DIS3L2: variants seen among roughly 807,000 people sequenced by gnomAD.
The protein encoded by DIS3L2 is DIS3 like 3'-5' exoribonuclease 2, also known as DIS3-like exonuclease 2.
Under a neutral mutation model 97.5 loss-of-function variants are expected in DIS3L2, and 34 were observed. The observed-to-expected ratio is 0.35, with a 90% CI of 0.27 to 0.46. The LOEUF is 0.46. Among genes scored for constraint, DIS3L2 ranks in the 20% least tolerant of loss-of-function variants. The pLI is 1.00. For missense variants in DIS3L2, 1,038 were observed against 1,146.0 expected (o/e 0.91, Z 1.36); for synonymous variants, 435 against 445.2 (o/e 0.98, Z 0.29).
chr2:232,077,951 CTTTCTCTTTCTT>C (rs1696247577), intron 5 of DIS3L2, among the ~76,000 whole-genome samples: 1 of 143,264 alleles, frequency 7.0e-6, no homozygotes, highest in Non-Finnish European at 1.5e-5. Context: ...CTTTTTCTTT[CTTTCTCTTTCTT>C]TCTTTCTTTC....
intron 8 of DIS3L2, among the ~76,000 whole-genome samples, chr2:232,147,820 AG>A (rs1003953026): frequency 3.3e-5 from 5 of 152,332 alleles, no homozygotes; most frequent in African/African-American, 1.2e-4. Context: ...ACAATGTAAA[AG>A]TCAGTTCCCT....
intron 9 of DIS3L2, among the ~76,000 whole-genome samples, chr2:232,181,111 C>A (rs1370327151): frequency 1.5e-5 from 2 of 130,256 alleles, no homozygotes; most frequent in African/African-American, 6.0e-5. Flanking sequence ...GTTGAAAATT[C>A]TTTTCTTTAA....
intron 4 of DIS3L2, among the ~76,000 whole-genome samples, chr2:232,028,645 C>T (rs1169874311): frequency 6.6e-6 from 1 of 152,110 alleles, no homozygotes; most frequent in Non-Finnish European, 1.5e-5. Flanking sequence ...CTCCAAACAG[C>T]CCATTTTTCA....
intron 1 of DIS3L2, among the ~76,000 whole-genome samples, chr2:231,985,184 AAAG>A (rs1480329288): frequency 6.6e-6 from 1 of 152,340 alleles, no homozygotes; most frequent in African/African-American, 2.4e-5. Context: ...CAGTCAAGAT[AAAG>A]AAGAGTTCCA....
At chr2:232,332,134 C>A (rs1020252893) in intron 16 of DIS3L2, among the ~76,000 whole-genome samples, 1 of 150,646 alleles carries the variant, frequency 6.6e-6, no homozygotes, top group Non-Finnish European at 1.5e-5. Flanking sequence ...CCCTGAGCCA[C>A]CTCCACCAGC....
downstream of DIS3L2, among the ~76,000 whole-genome samples, chr2:232,340,210 T>C (rs929561948): frequency 3.9e-5 from 6 of 152,158 alleles, no homozygotes; most frequent in Non-Finnish European, 8.8e-5. Context: ...ACAGCACTTT[T>C]GGATCCTGGA....
intron 7 of DIS3L2, among the ~76,000 whole-genome samples, 166 bp from the exon 8 acceptor site, chr2:232,136,306 T>C (rs1264295810): frequency 1.3e-5 from 2 of 152,192 alleles, no homozygotes; most frequent in Non-Finnish European, 2.9e-5. Context: ...TTCTTACAAC[T>C]TAAATATAGA....
intron 5 of DIS3L2, among the ~76,000 whole-genome samples, chr2:232,051,811 CAAAAAAAAAAA>C (rs58851349): frequency 8.8e-3 from 327 of 37,098 alleles, no homozygotes; most frequent in African/African-American, 0.03. Flanking sequence ...GACTCCGTCT[CAAAAAAAAAAA>C]AAAAAAAAAA....
chr2:232,329,795 C>CGGGG lies in DIS3L2; in HGVS notation c.1740-18_1740-17insGGGG. 2 of 318,096 alleles carry CGGGG rather than the reference C, an allele frequency of 6.3e-6. No individual in the cohort carries two copies. Among genetic ancestry groups the CGGGG allele is most frequent in the Non-Finnish European group, 1.2e-5 (2 of 173,888 alleles). The allele number at this position is 318,096 out of a possible 1,614,324, so 19.7% of individuals were successfully genotyped here. On this transcript the variant is annotated splice_polypyrimidine_tract_variant and intron_variant, in intron 14 of 20. Transcript: ENST00000325385. ...CCCAAACCCCAGCGGTCCCTCCCAT[C>CGGGG]CCACCCACCCTCTGCAGGCTCGTGG...
chr2:232,337,057 T>C lies in DIS3L2; in HGVS notation c.*427T>C. The C allele has an allele frequency of 1.1e-5, 12 of 1,050,862 alleles. No individual in the cohort carries two copies. The highest frequency in any genetic ancestry group is 1.4e-5 in the Non-Finnish European group (12 of 871,770). The allele number at this position is 1,050,862 out of a possible 1,614,324, so 65.1% of individuals were successfully genotyped here. On this transcript the variant is annotated 3_prime_UTR_variant, in exon 21 of 21. Transcript: ENST00000325385. ...CAGGGCAAGGGACCCAGTTCAGGCT[T>C]CACCCCTCGCTGCTGAGCCGATGTC... is the stretch of plus-strand genomic sequence containing the variant.
At chr2:231,981,598 T>TTATATATATATATATA (rs10669283) in intron 1 of DIS3L2, among the ~76,000 whole-genome samples, 18 of 84,050 alleles carry the variant, frequency 2.1e-4, no homozygotes, top group South Asian at 5.1e-4. Context: ...GTTAAGTATT[T>TTATATATATATATATA]TATATATATA....
intron 9 of DIS3L2, among the ~76,000 whole-genome samples, chr2:232,164,533 C>T (rs77292894): frequency 5.6e-4 from 85 of 152,300 alleles, no homozygotes; most frequent in African/African-American, 2.0e-3. Context: ...CTTCATGCAG[C>T]TGAACTTATG....
chr2:232,011,604 T>C (rs1694202596), intron 1 of DIS3L2, among the ~76,000 whole-genome samples: 1 of 152,164 alleles, frequency 6.6e-6, no homozygotes, highest in Non-Finnish European at 1.5e-5. Context: ...CTGCCCGCCT[T>C]GGCCTCCCAA....
rs183096210 is a variant in DIS3L2 at position 232,290,370 on chromosome 2, G to A, written c.1660-9670G>A. ...TAAAGGTGCTCCTGTTCTGCTAAAG[G>A]AGACCCTGGGATCAGGGACGAGCTC... On this transcript the variant is annotated intron_variant, in intron 13 of 20. Transcript: ENST00000325385. 9.8e-5 allele frequency among the ~76,000 whole-genome samples: 15 copies of A among 152,344 alleles called. No homozygotes were observed. In the East Asian group the frequency reaches 2.9e-3, roughly 29 times the overall value.
Position 232,268,996 on chromosome 2 carries a change from C to A in DIS3L2, c.1659+5556C>A, listed in dbSNP as rs912982859. 6.6e-6 allele frequency among the ~76,000 whole-genome samples: 1 copy of A among 152,190 alleles called. No homozygotes were observed. Among genetic ancestry groups the A allele is most frequent in the African/African-American group, 2.4e-5 (1 of 41,434 alleles). On this transcript the variant is annotated intron_variant, in intron 13 of 20. Coordinates refer to ENST00000325385, the MANE Select transcript of DIS3L2 (RefSeq NM_152383.5). This position sits in a 1 kb window ranked among gnomAD's most constrained non-coding sequence, Gnocchi z 4.1. ...TCCCTTATTCCATTTACAGGCAGGT[C>A]GCTTTAATTAGCCTGAAGCAAAAGG...
At chr2:232,138,315 A>G (rs1214905983) in intron 8 of DIS3L2, among the ~76,000 whole-genome samples, 1 of 152,204 alleles carries the variant, frequency 6.6e-6, no homozygotes, top group Non-Finnish European at 1.5e-5. Context: ...AAGAAATAAT[A>G]TTTAAAAAGT....
intron 14 of DIS3L2, among the ~76,000 whole-genome samples, chr2:232,308,599 G>A (rs1695043320): frequency 6.6e-6 from 1 of 152,102 alleles, no homozygotes; most frequent in Non-Finnish European, 1.5e-5. Flanking sequence ...AGTGTCTGCC[G>A]CATTCATGAG....
chr2:232,322,373 T>G (rs1433485779), intron 14 of DIS3L2, among the ~76,000 whole-genome samples: 1 of 152,172 alleles, frequency 6.6e-6, no homozygotes, highest in Non-Finnish European at 1.5e-5. Context: ...CCTGGCAGTC[T>G]CCACATCCAG....
intron 5 of DIS3L2, among the ~76,000 whole-genome samples, chr2:232,082,164 A>G (rs765266147): frequency 6.6e-5 from 10 of 152,262 alleles, no homozygotes; most frequent in Non-Finnish European, 1.5e-4. Context: ...CTGTGATCTC[A>G]TAATGATCTT....
Sources: gnomAD v4.1 joint callset for allele counts (sites outside exome capture counted in the v4.1 genomes callset) on GRCh38, gnomAD v4.1.1 for gene constraint, Gnocchi (gnomAD v3.1) non-coding constraint, MANE v1.5 for transcripts, NCBI Gene and HGNC (gene_info 2026-07-23, HGNC 2026-07-21) for gene names.